Variants in NEURL1 observed in about 807,000 individuals in gnomAD.
NEURL1 encodes neuralized E3 ubiquitin protein ligase 1.
NEURL1 carries 26 observed loss-of-function variants against 41.2 expected under a neutral mutation model. The observed-to-expected ratio is 0.63, with a 90% CI of 0.46 to 0.87. The LOEUF (loss-of-function observed/expected upper bound fraction) is 0.87. Ranked by LOEUF, NEURL1 falls within the 40% of genes least tolerant of loss-of-function variation. The pLI is 0.00. For synonymous variants in NEURL1, 400 were observed against 402.3 expected (o/e 0.99, Z 0.07); for missense variants, 761 against 871.1 (o/e 0.87, Z 1.59).
chr10:103,570,484 TAAAC>T (rs761227850), intron 1 of NEURL1, among the ~76,000 whole-genome samples: 71 of 151,870 alleles, frequency 4.7e-4, no homozygotes, highest in Non-Finnish European at 8.1e-4. Flanking sequence ...TTGAATAAAA[TAAAC>T]AAACCAAGGA....
At chr10:103,530,658 A>C (rs1030753140) in intron 1 of NEURL1, among the ~76,000 whole-genome samples, 4 of 151,428 alleles carry the variant, frequency 2.6e-5, no homozygotes, top group Non-Finnish European at 5.9e-5. Flanking sequence ...CTCCTGCTTC[A>C]GCCTCCTGGC....
In NEURL1 at chr10:103,584,708, G is replaced by C. The variant is rs1314256923; in HGVS notation, c.822G>C (p.Pro274=). 1.4e-6 allele frequency: 2 copies of C among 1,463,800 alleles called. No individual in the cohort carries two copies. Among genetic ancestry groups the C allele is most frequent in the African/African-American group, 1.5e-5 (1 of 68,004 alleles). The allele number at this position is 1,463,800 out of a possible 1,614,324, so 90.7% of individuals were successfully genotyped here. Residue 274 remains proline, a synonymous_variant, in exon 4 of 6, where the codon CCG becomes CCC. Transcript: ENST00000369780. Reference sequence around the variant, plus strand: ...CGCCGGCCGCCGGCTGCCCCATCCCGCAGAACTCACTCAACTCGCAGCACA... The same window carrying C: ...CGCCGGCCGCCGGCTGCCCCATCCCCCAGAACTCACTCAACTCGCAGCACA... ...EAAPAAGCPI[P]QNSLNSQHSR...
Position 103,587,643 on chromosome 10 carries a change from A to G in NEURL1, c.1340-1871A>G, listed in dbSNP as rs1487956627. ...AAGGTTATTTCCTTCACTCATGTGT[A>G]TCACAAAACATACAGCCAGTTCCAT... is the stretch of plus-strand genomic sequence containing the variant. On this transcript the variant is annotated intron_variant, in intron 4 of 5. Transcript: ENST00000369780. Among the ~76,000 whole-genome samples, 12 of 152,386 alleles carry G rather than the reference A, an allele frequency of 7.9e-5. No individual in the cohort carries two copies. The East Asian group carries it at 2.3e-3, about 29-fold the overall frequency.
chr10:103,574,611 A>T (rs551667225), intron 3 of NEURL1, among the ~76,000 whole-genome samples: 53 of 152,314 alleles, frequency 3.5e-4, no homozygotes, highest in Admixed American at 2.0e-4. Flanking sequence ...GGAAGAGAAG[A>T]CTTGGGCTGG....
intron 1 of NEURL1, among the ~76,000 whole-genome samples, chr10:103,554,366 G>A (rs2035099319): frequency 6.6e-6 from 1 of 152,238 alleles, no homozygotes; most frequent in South Asian, 2.1e-4. Flanking sequence ...ATGGCTGAGT[G>A]CGCTCAGTGG....
At chr10:103,564,491 G>T (rs141409773) in intron 1 of NEURL1, among the ~76,000 whole-genome samples, 28 of 152,318 alleles carry the variant, frequency 1.8e-4, no homozygotes, top group African/African-American at 6.7e-4. Flanking sequence ...GGGCTGCCCA[G>T]CCCCTCCTGC....
chr10:103,587,572 A>G (rs947806421), intron 4 of NEURL1, among the ~76,000 whole-genome samples: 2 of 152,278 alleles, frequency 1.3e-5, no homozygotes, highest in African/African-American at 4.8e-5. Context: ...TTAACCTTAT[A>G]GAGGAATGCT....
At position 103,590,617 on chromosome 10, in the gene NEURL1, G is replaced by C. The variant is rs926997110; in HGVS notation, c.*245G>C. On this transcript the variant is annotated 3_prime_UTR_variant, in exon 6 of 6. Coordinates refer to ENST00000369780, the MANE Select transcript of NEURL1 (RefSeq NM_004210.5). ...AGGCCGCACTCTCCCTGTCTCTCCCGTCTCTGCACCCAGCTCCTCTCTGCA... is the reference window on the plus strand; with the variant it reads ...AGGCCGCACTCTCCCTGTCTCTCCCCTCTCTGCACCCAGCTCCTCTCTGCA... 9.0e-6 allele frequency: 5 copies of C among 554,294 alleles called. No homozygotes were observed. Among genetic ancestry groups the C allele is most frequent in the South Asian group, 6.4e-5 (3 of 46,840 alleles). 34.3% of individuals were successfully genotyped at this position (554,294 alleles called of 1,614,324 possible).
chr10:103,548,381 GGC>G (rs1425338266), intron 1 of NEURL1, among the ~76,000 whole-genome samples: 1 of 152,144 alleles, frequency 6.6e-6, no homozygotes, highest in Non-Finnish European at 1.5e-5. Flanking sequence ...GGAGTGCAAT[GGC>G]ACAATCTCGG....
chr10:103,538,342 A>C (rs1248708625), intron 1 of NEURL1, among the ~76,000 whole-genome samples: 1 of 152,196 alleles, frequency 6.6e-6, no homozygotes, highest in Non-Finnish European at 1.5e-5. Context: ...AGGCCAAGGC[A>C]GGCGGATCAC....
At position 103,494,187 on chromosome 10, in the gene NEURL1, C is replaced by T. The variant is rs1001323733; in HGVS notation, c.-201C>T. 1.0e-4 allele frequency: 52 copies of T among 501,802 alleles called. No individual in the cohort carries two copies. In the Middle Eastern group the frequency reaches 1.6e-3, roughly 15 times the overall value. The allele number at this position is 501,802 out of a possible 1,614,324, so 31.1% of individuals were successfully genotyped here. On this transcript the variant is annotated 5_prime_UTR_variant, in exon 1 of 6. Transcript: ENST00000369780. Reference sequence around the variant, plus strand: ...GGTAGCCCAGCCTGCGCCAGGACACCCGTGGCGGGCGGAACCCGCCAAGGA... The same window carrying T: ...GGTAGCCCAGCCTGCGCCAGGACACTCGTGGCGGGCGGAACCCGCCAAGGA...
chr10:103,576,515 T>C (rs1289079566), intron 3 of NEURL1, among the ~76,000 whole-genome samples: 1 of 152,076 alleles, frequency 6.6e-6, no homozygotes, highest in Non-Finnish European at 1.5e-5. Context: ...GTCAAGTTGT[T>C]CAGTAAGAGG....
At chr10:103,560,079 A>C (rs2035259963) in intron 1 of NEURL1, among the ~76,000 whole-genome samples, 1 of 151,924 alleles carries the variant, frequency 6.6e-6, no homozygotes. Context: ...ACACACACAT[A>C]CACACTCACC....
At chr10:103,524,391 A>G (rs949732149) in intron 1 of NEURL1, among the ~76,000 whole-genome samples, 1 of 152,184 alleles carries the variant, frequency 6.6e-6, no homozygotes, top group Non-Finnish European at 1.5e-5. Context: ...CCTATTCTGC[A>G]GGTGATCTCT....
chr10:103,527,599 G>T (rs1309107318), intron 1 of NEURL1, among the ~76,000 whole-genome samples: 1 of 151,846 alleles, frequency 6.6e-6, no homozygotes, highest in African/African-American at 2.4e-5. Context: ...CTGGCCTATT[G>T]TATCTCGTTT....
chr10:103,515,648 A>C (rs1318798860), intron 1 of NEURL1, among the ~76,000 whole-genome samples: 1 of 152,262 alleles, frequency 6.6e-6, no homozygotes, highest in Non-Finnish European at 1.5e-5. Flanking sequence ...CCAAGAACAA[A>C]TCACCACCTA....
chr10:103,589,632 C>A lies in NEURL1; in HGVS notation c.1458C>A (p.Ser486Arg). 1 of 1,613,034 alleles carries A rather than the reference C, an allele frequency of 6.2e-7. No homozygotes were observed. ...CTGACCCCTTGCTCAGCACGTGCAGCTCTGGCCCTCTGGGTAGCTCTGCTG... is the reference window on the plus strand; with the variant it reads ...CTGACCCCTTGCTCAGCACGTGCAGATCTGGCCCTCTGGGTAGCTCTGCTG... ...RLSDPLLSTC[S>R]SGPLGSSAGG... Residue 486 changes from serine to arginine, a missense_variant, in exon 5 of 6, where the codon AGC (serine) becomes AGA (arginine). Coordinates refer to ENST00000369780, the MANE Select transcript of NEURL1 (RefSeq NM_004210.5).
intron 1 of NEURL1, among the ~76,000 whole-genome samples, chr10:103,523,169 A>T (rs1418284403): frequency 6.6e-6 from 1 of 152,124 alleles, no homozygotes; most frequent in Non-Finnish European, 1.5e-5. Context: ...TTGAAAATAT[A>T]CAGAGCCAGG....
At position 103,584,767 on chromosome 10, in the gene NEURL1, T is replaced by C; in HGVS notation, c.881T>C (p.Leu294Pro). The change falls in exon 4 of 6, where the codon CTG becomes CCG. Residue 294 changes from leucine (L) to proline (P), a missense_variant. Leu to Pro is a moderately conservative substitution (Grantham distance 98, BLOSUM62 -3). This residue lies in a region of NEURL1 where 443 missense variants were observed against 408.1 expected (regional missense o/e 1.09). Coordinates refer to ENST00000369780, the MANE Select transcript of NEURL1 (RefSeq NM_004210.5). ...RALPAQLDGD[L>P]RFHALRAGAH... ...CTGCCGGCGCAGCTCGACGGCGACCTGCGTTTCCACGCCCTGCGCGCCGGC... is the reference window on the plus strand; with the variant it reads ...CTGCCGGCGCAGCTCGACGGCGACCCGCGTTTCCACGCCCTGCGCGCCGGC... 6.9e-7 allele frequency: 1 copy of C among 1,444,106 alleles called. No individual in the cohort carries two copies. The highest frequency in any genetic ancestry group is 9.1e-7 in the Non-Finnish European group (1 of 1,102,162). The allele number at this position is 1,444,106 out of a possible 1,614,324, so 89.5% of individuals were successfully genotyped here. A position where few individuals can be genotyped will look rare whatever the true frequency, so the allele number is the denominator to read the frequency against.
Sources: allele counts gnomAD v4.1 joint callset (sites outside exome capture counted in the v4.1 genomes callset), GRCh38; gene constraint gnomAD v4.1.1; regional missense constraint gnomAD v4.1.1; transcripts MANE v1.5; gene names NCBI Gene and HGNC (gene_info 2026-07-23, HGNC 2026-07-21).